NSL1: variants seen among roughly 807,000 people sequenced by gnomAD.
NSL1 encodes kinetochore-associated protein NSL1 homolog.
NSL1 carries 11 observed loss-of-function variants against 25.4 expected under a neutral mutation model. That is an observed-to-expected ratio of 0.43 (90% confidence interval 0.27 to 0.72). The LOEUF is 0.72. Among genes scored for constraint, NSL1 ranks in the 30% least tolerant of loss-of-function variants. The pLI, the probability that NSL1 is intolerant of heterozygous loss-of-function variation, is 0.19. For synonymous variants in NSL1, 118 were observed against 120.6 expected (o/e 0.98, Z 0.14); for missense variants, 330 against 342.7 (o/e 0.96, Z 0.29).
At chr1:212,739,816 C>A (rs1027370074) in intron 4 of NSL1, among the ~76,000 whole-genome samples, 1 of 152,152 alleles carries the variant, frequency 6.6e-6, no homozygotes, top group Non-Finnish European at 1.5e-5. Context: ...AATTCTATTA[C>A]GAGTAGTCAT....
chr1:212,734,840 A>G lies in NSL1; in HGVS notation c.*3568T>C, dbSNP rs1282480817. ...TCTATCATACCATTTGCTGCATGGCATTATCATTGTTTGCACACTCATCCT... is the reference window on the plus strand; with the variant it reads ...TCTATCATACCATTTGCTGCATGGCGTTATCATTGTTTGCACACTCATCCT... On this transcript the variant is annotated 3_prime_UTR_variant, in exon 6 of 6. Transcript: ENST00000366977. 6.6e-6 allele frequency among the ~76,000 whole-genome samples: 1 copy of G among 152,162 alleles called. No individual in the cohort carries two copies. Among genetic ancestry groups the G allele is most frequent in the African/African-American group, 2.4e-5 (1 of 41,422 alleles).
Position 212,729,369 on chromosome 1 carries a change from G to A in NSL1, c.*9039C>T, listed in dbSNP as rs1657915243. Reference sequence around the variant, plus strand: ...AGGGTCTGTGCCTTGGTTTACAGGTGTACATCCACACAGCTCTTAGCACAG... The same window carrying A: ...AGGGTCTGTGCCTTGGTTTACAGGTATACATCCACACAGCTCTTAGCACAG... On this transcript the variant is annotated 3_prime_UTR_variant, in exon 6 of 6. Transcript: ENST00000366977. 4.1e-6 allele frequency: 4 copies of A among 980,698 alleles called. No individual in the cohort carries two copies. The South Asian group carries it at 1.9e-4, about 46-fold the overall frequency. The allele number at this position is 980,698 out of a possible 1,614,324, so 60.7% of individuals were successfully genotyped here.
At chr1:212,786,975 C>T (rs1388216097) in intron 2 of NSL1, among the ~76,000 whole-genome samples, 2 of 151,384 alleles carry the variant, frequency 1.3e-5, no homozygotes, top group African/African-American at 4.9e-5. Context: ...CCAGCCTGGG[C>T]AACATGATGA....
Position 212,777,827 on chromosome 1 carries a change from T to C in NSL1, c.499+4545A>G, listed in dbSNP as rs571711782. 5.9e-5 allele frequency among the ~76,000 whole-genome samples: 9 copies of C among 152,352 alleles called. No individual in the cohort carries two copies. The East Asian group carries it at 7.7e-4, about 13-fold the overall frequency. On this transcript the variant is annotated intron_variant, in intron 4 of 5. Transcript: ENST00000366977. ...AATATGGGTGGTGGGAACAGAGATG[T>C]TCATTATGTTGCATTCTTTATTTTC...
At chr1:212,761,160 G>GT (rs1354878067) in intron 4 of NSL1, among the ~76,000 whole-genome samples, 1 of 152,190 alleles carries the variant, frequency 6.6e-6, no homozygotes, top group East Asian at 1.9e-4. Context: ...AAATGTGCAG[G>GT]TATCAACTTA....
chr1:212,758,422 A>G (rs113011711), intron 4 of NSL1, among the ~76,000 whole-genome samples: 2,305 of 152,358 alleles, frequency 0.015, 62 homozygotes, highest in African/African-American at 0.053. Context: ...AACATCCATT[A>G]AACAACTATT....
Position 212,732,686 on chromosome 1 carries a change from C to T in NSL1, c.*5722G>A. On this transcript the variant is annotated 3_prime_UTR_variant, in exon 6 of 6. Coordinates refer to ENST00000366977, the MANE Select transcript of NSL1 (RefSeq NM_015471.4). ...CTCGAGTGTGCTGTGTTTTGGGAGCCTTAGTTTCCCAGATCCCATGGCTGC... is the reference window on the plus strand; with the variant it reads ...CTCGAGTGTGCTGTGTTTTGGGAGCTTTAGTTTCCCAGATCCCATGGCTGC... 1 of 984,436 alleles carries T rather than the reference C, an allele frequency of 1.0e-6. No homozygotes were observed. 61.0% of individuals were successfully genotyped at this position (984,436 alleles called of 1,614,324 possible).
intron 4 of NSL1, among the ~76,000 whole-genome samples, chr1:212,761,186 T>C (rs1363765937): frequency 6.6e-6 from 1 of 152,100 alleles, no homozygotes; most frequent in Non-Finnish European, 1.5e-5. Flanking sequence ...ATAAGAAACA[T>C]GAAAAAGCAA....
At chr1:212,740,729 AT>A (rs1658466274) in intron 4 of NSL1, among the ~76,000 whole-genome samples, 1 of 152,184 alleles carries the variant, frequency 6.6e-6, no homozygotes, top group Admixed American at 6.5e-5. Context: ...CATTTATCTG[AT>A]TTTAATCACT....
At chr1:212,788,554 T>C (rs1374076992) in intron 1 of NSL1, among the ~76,000 whole-genome samples, 2 of 152,034 alleles carry the variant, frequency 1.3e-5, no homozygotes. Context: ...AAACAAAAAA[T>C]AGACAAATTG....
At chr1:212,755,383 G>C (rs1468105750) in intron 4 of NSL1, among the ~76,000 whole-genome samples, 2 of 151,692 alleles carry the variant, frequency 1.3e-5, no homozygotes, top group East Asian at 3.9e-4. Flanking sequence ...AATGGAAGAT[G>C]GGAGAAAAGA....
At chr1:212,740,987 A>T (rs185311374) in intron 4 of NSL1, among the ~76,000 whole-genome samples, 4 of 152,340 alleles carry the variant, frequency 2.6e-5, no homozygotes, top group Admixed American at 2.6e-4. Context: ...TGATACTGAT[A>T]ACATCACCAC....
chr1:212,775,833 TTTTG>T (rs1444983698), intron 4 of NSL1, among the ~76,000 whole-genome samples: 1 of 145,298 alleles, frequency 6.9e-6, no homozygotes, highest in Non-Finnish European at 1.6e-5. Context: ...GGTGGTTTTT[TTTTG>T]TTTTTTTTGA....
rs1228369073 is a variant in NSL1, at chr1:212,730,517, TCTTTTACACAGGCACAG to T, written c.*7874_*7890del. 115 of 985,400 alleles carry T rather than the reference TCTTTTACACAGGCACAG, an allele frequency of 1.2e-4. No homozygotes were observed. Among genetic ancestry groups the T allele is most frequent in the Middle Eastern group, 5.2e-4 (1 of 1,914 alleles). 61.0% of individuals were successfully genotyped at this position (985,400 alleles called of 1,614,324 possible). A position where few individuals can be genotyped will look rare whatever the true frequency, so the allele number is the denominator to read the frequency against. On this transcript the variant is annotated 3_prime_UTR_variant, in exon 6 of 6. Coordinates refer to ENST00000366977, the MANE Select transcript of NSL1 (RefSeq NM_015471.4). ...TCAAGGTGATGATAGAAATGCCCAA[TCTTTTACACAGGCACAG>T]GAGTCAGCTGGAGCAGAAGACCTGC...
intron 4 of NSL1, among the ~76,000 whole-genome samples, chr1:212,774,461 A>G (rs1660265359): frequency 6.6e-6 from 1 of 152,250 alleles, no homozygotes; most frequent in Non-Finnish European, 1.5e-5. Context: ...ACTAGCGTCC[A>G]GAATACATAA....
chr1:212,745,031 G>C (rs925794722), intron 4 of NSL1, among the ~76,000 whole-genome samples: 1 of 151,934 alleles, frequency 6.6e-6, no homozygotes, highest in African/African-American at 2.4e-5. Context: ...ACCTACTCTG[G>C]AGGCTGAGGC....
intron 4 of NSL1, among the ~76,000 whole-genome samples, chr1:212,766,904 A>G (rs1055452860): frequency 1.3e-5 from 2 of 152,212 alleles, no homozygotes; most frequent in Non-Finnish European, 2.9e-5. Flanking sequence ...GCCCTCTACA[A>G]GGAAAACTAC....
chr1:212,742,508 A>C (rs895443818), intron 4 of NSL1, among the ~76,000 whole-genome samples: 1 of 152,242 alleles, frequency 6.6e-6, no homozygotes, highest in African/African-American at 2.4e-5. Context: ...GTGTAGTGTC[A>C]AAATTATCCC....
intron 3 of NSL1, among the ~76,000 whole-genome samples, chr1:212,783,474 A>G (rs545356174): frequency 1.3e-5 from 2 of 152,338 alleles, no homozygotes; most frequent in South Asian, 4.1e-4. Flanking sequence ...CAGAATAACT[A>G]AAATGTTTTA....
Sources: gnomAD v4.1 joint callset for allele counts (sites outside exome capture counted in the v4.1 genomes callset) on GRCh38, gnomAD v4.1.1 for gene constraint, MANE v1.5 for transcripts, NCBI Gene and HGNC (gene_info 2026-07-23, HGNC 2026-07-21) for gene names.